MKLN1: variants seen among roughly 807,000 people sequenced by gnomAD.
MKLN1 encodes muskelin.
In MKLN1, 18 loss-of-function variants were observed where a neutral mutation model predicts 99.0. That is an observed-to-expected ratio of 0.18 (90% CI 0.13 to 0.27). The LOEUF is 0.27. Ranked by LOEUF, MKLN1 falls within the 10% of genes least tolerant of loss-of-function variation. The pLI is 1.00. For synonymous variants in MKLN1, 288 were observed against 293.2 expected (o/e 0.98, Z 0.18); for missense variants, 621 against 875.9 (o/e 0.71, Z 3.67).
chr7:131,113,585 G>A (rs1795228262), intron 1 of MKLN1, among the ~76,000 whole-genome samples: 1 of 151,662 alleles, frequency 6.6e-6, no homozygotes, highest in Non-Finnish European at 1.5e-5. Context: ...AGTTTGGGAG[G>A]TTGAGGTGGG....
At chr7:131,188,632 T>C (rs2116376584) in intron 2 of MKLN1, among the ~76,000 whole-genome samples, 1 of 152,274 alleles carries the variant, frequency 6.6e-6, no homozygotes, top group South Asian at 2.1e-4. Flanking sequence ...TACATTCTAG[T>C]GGCCAAAGCC....
chr7:131,146,112 T>G (rs1189103398), intron 2 of MKLN1, among the ~76,000 whole-genome samples: 1 of 152,176 alleles, frequency 6.6e-6, no homozygotes. Flanking sequence ...CCCAAGGTCT[T>G]ACACCTTGGT....
At chr7:131,327,742 G>C (rs1798924602), upstream of MKLN1, 7 of 1,331,562 alleles carry the variant, frequency 5.3e-6, no homozygotes, top group Non-Finnish European at 5.9e-6. Flanking sequence ...GAAACCCTGA[G>C]ATAGGACATT....
intron 2 of MKLN1, among the ~76,000 whole-genome samples, chr7:131,155,572 G>C (rs189127592): frequency 1.3e-5 from 2 of 152,014 alleles, no homozygotes; most frequent in African/African-American, 4.8e-5. Flanking sequence ...CATAGTTTAG[G>C]AAATTAACTA....
Position 131,443,545 on chromosome 7 carries a change from G to A in MKLN1, c.1238G>A (p.Gly413Asp), listed in dbSNP as rs755298287. The A allele has an allele frequency of 3.7e-6, 6 of 1,614,054 alleles. No homozygotes were observed. The highest frequency in any genetic ancestry group is 4.2e-6 in the Non-Finnish European group (5 of 1,179,962). The change falls in exon 11 of 18, where the codon GGC becomes GAC. Residue 413 changes from glycine to aspartate, a missense_variant. Coordinates refer to ENST00000352689, the MANE Select transcript of MKLN1 (RefSeq NM_013255.5). ...GGTGGTAGAATTTTGACTTGTAATGGCAGCGTAGATGACAGCAGAGCCAGT... is the reference window on the plus strand; with the variant it reads ...GGTGGTAGAATTTTGACTTGTAATGACAGCGTAGATGACAGCAGAGCCAGT... ...TFGGRILTCN[G>D]SVDDSRASEP...
intron 16 of MKLN1, among the ~76,000 whole-genome samples, chr7:131,473,399 T>C (rs550670969): frequency 3.5e-4 from 54 of 152,294 alleles, no homozygotes; most frequent in African/African-American, 1.3e-3. Context: ...ATCATCATCA[T>C]TGTGCCTGTT....
rs370845322 is a variant in MKLN1 at position 131,338,413 on chromosome 7, A to G, written c.98+10416A>G. ...GCTTCTTAGCCCCTTGGCCTGTGCC[A>G]TTAAAGAAATAGGTGACATGTCTTG... On this transcript the variant is annotated intron_variant, in intron 1 of 17. Transcript: ENST00000352689. Among the ~76,000 whole-genome samples the G allele has an allele frequency of 7.7e-4, 117 of 152,320 alleles. 1 individual carries two copies. Among genetic ancestry groups the G allele is most frequent in the Admixed American group, 2.2e-3 (34 of 15,302 alleles).
At chr7:131,215,691 G>T (rs1283916539) in intron 3 of MKLN1, among the ~76,000 whole-genome samples, 1 of 152,086 alleles carries the variant, frequency 6.6e-6, no homozygotes. Flanking sequence ...CTTCATAAAC[G>T]ATTACATTAT....
chr7:131,116,142 A>T (rs893598550), intron 1 of MKLN1, among the ~76,000 whole-genome samples: 1 of 151,988 alleles, frequency 6.6e-6, no homozygotes, highest in South Asian at 2.1e-4. Flanking sequence ...CATCTCCACT[A>T]AAAAGACAAA....
intron 2 of MKLN1, among the ~76,000 whole-genome samples, chr7:131,193,227 T>C (rs994565617): frequency 2.0e-5 from 3 of 152,208 alleles, no homozygotes; most frequent in African/African-American, 7.2e-5. Context: ...TGATTACTTA[T>C]GTAAGGCGAT....
rs1339806912 is a variant in MKLN1 at position 131,221,429 on chromosome 7, A to G, written c.-179+18455A>G. On this transcript the variant is annotated intron_variant, in intron 3 of 7. Coordinates refer to the MKLN1 transcript ENST00000416992. ...AGAGGGTAAGTGCAGGACAGAGCCA[A>G]TGGAAGACCTCCTTAGACTGGGTGA... Among the ~76,000 whole-genome samples the G allele has an allele frequency of 3.3e-5, 5 of 152,036 alleles. No homozygotes were observed. In the East Asian group the frequency reaches 7.7e-4, roughly 23 times the overall value.
chr7:131,349,251 A>G (rs1291171636), intron 1 of MKLN1, among the ~76,000 whole-genome samples: 1 of 151,452 alleles, frequency 6.6e-6, no homozygotes, highest in East Asian at 1.9e-4. Context: ...GCTGGAGTAC[A>G]GTGGCACGAT....
chr7:131,415,830 A>G (rs1179855313), intron 8 of MKLN1, among the ~76,000 whole-genome samples: 1 of 152,230 alleles, frequency 6.6e-6, no homozygotes, highest in Non-Finnish European at 1.5e-5. Flanking sequence ...GAATATAGAC[A>G]TGAAAATTTG....
intron 2 of MKLN1, among the ~76,000 whole-genome samples, chr7:131,159,416 G>A (rs1796014851): frequency 6.6e-6 from 1 of 152,142 alleles, no homozygotes; most frequent in African/African-American, 2.4e-5. Context: ...GTCATTTGCA[G>A]CAACATGGAT....
At position 131,229,546 on chromosome 7, in the gene MKLN1, GTGT is replaced by G. The variant is rs72042327; in HGVS notation, c.-179+26592_-179+26594del. Among the ~76,000 whole-genome samples, 4 of 151,630 alleles carry G rather than the reference GTGT, an allele frequency of 2.6e-5. No homozygotes were observed. In the East Asian group the frequency reaches 5.8e-4, roughly 22 times the overall value. On this transcript the variant is annotated intron_variant, in intron 3 of 7. Transcript: ENST00000416992. ...TGTCTCTTTTCAGACATGTGTGTGT[GTGT>G]TGTTGTTGTTGTTGTTGTTTTGAGA...
At chr7:131,186,785 A>G (rs1301619996) in intron 2 of MKLN1, among the ~76,000 whole-genome samples, 1 of 152,210 alleles carries the variant, frequency 6.6e-6, no homozygotes, top group Non-Finnish European at 1.5e-5. Flanking sequence ...CTGGTACCAT[A>G]TAAGCATTAG....
At chr7:131,460,897 A>G (rs1225212521) in intron 12 of MKLN1, among the ~76,000 whole-genome samples, 3 of 152,200 alleles carry the variant, frequency 2.0e-5, no homozygotes, top group Admixed American at 6.5e-5. Context: ...ACCACTTACG[A>G]AAGTAATTCC....
intron 3 of MKLN1, among the ~76,000 whole-genome samples, chr7:131,216,634 A>T (rs77715383): frequency 2.7e-4 from 41 of 152,336 alleles, no homozygotes; most frequent in African/African-American, 9.9e-4. Flanking sequence ...TACTGCCGAC[A>T]CTTCATGCAG....
intron 3 of MKLN1, among the ~76,000 whole-genome samples, chr7:131,297,522 C>T (rs983638928): frequency 1.3e-5 from 2 of 151,964 alleles, no homozygotes; most frequent in African/African-American, 4.8e-5. Flanking sequence ...GTACGGACAA[C>T]TGCAGGCCTT....
Sources: gnomAD v4.1 joint callset for allele counts (sites outside exome capture counted in the v4.1 genomes callset) on GRCh38, gnomAD v4.1.1 for gene constraint, MANE v1.5 for transcripts, NCBI Gene and HGNC (gene_info 2026-07-23, HGNC 2026-07-21) for gene names.